Variants in STXBP6 observed in about 807,000 individuals in gnomAD.
STXBP6 encodes syntaxin-binding protein 6.
Under a neutral mutation model 26.9 loss-of-function variants are expected in STXBP6, and 21 were observed. The ratio of observed to expected loss-of-function variants is 0.78; its 90% CI spans 0.55 to 1.12. The LOEUF is 1.12. Ranked by LOEUF, STXBP6 falls within the 50% of genes most tolerant of loss-of-function variation. The pLI is 0.00. For missense variants in STXBP6, 232 were observed against 257.9 expected (o/e 0.90, Z 0.69); for synonymous variants, 97 against 92.6 (o/e 1.05, Z -0.27).
intron 5 of STXBP6, chr14:24,817,560 T>C (rs111586268): frequency 0.014 from 2,375 of 166,856 alleles, 70 homozygotes; most frequent in African/African-American, 0.054. Context: ...ACAACTTAAA[T>C]GTTTCCCCAG....
intron 2 of STXBP6, among the ~76,000 whole-genome samples, chr14:24,950,905 A>G (rs1034444403): frequency 9.3e-5 from 14 of 151,022 alleles, no homozygotes; most frequent in Non-Finnish European, 1.5e-4. Context: ...CCCCTTCCCG[A>G]CAGGCCCCCC....
chr14:24,937,019 C>T (rs1381338777), intron 2 of STXBP6, among the ~76,000 whole-genome samples: 1 of 152,202 alleles, frequency 6.6e-6, no homozygotes, highest in Non-Finnish European at 1.5e-5. Context: ...AACCTTCATT[C>T]TCAGCAAACT....
intron 4 of STXBP6, among the ~76,000 whole-genome samples, chr14:24,827,313 C>T (rs180918851): frequency 6.6e-6 from 1 of 152,308 alleles, no homozygotes; most frequent in Non-Finnish European, 1.5e-5. Context: ...AGTATGTGCT[C>T]AATGTACTCT....
chr14:25,024,126 G>T (rs536947846), intron 1 of STXBP6, among the ~76,000 whole-genome samples: 1 of 151,896 alleles, frequency 6.6e-6, no homozygotes, highest in African/African-American at 2.4e-5. Context: ...TGGCTAACAC[G>T]GTGAAACCCC....
rs997329516 is a variant in STXBP6 at position 24,970,203 on chromosome 14, T to C, written c.154+4462A>G. 2.0e-5 allele frequency among the ~76,000 whole-genome samples: 3 copies of C among 151,184 alleles called. No homozygotes were observed. In the East Asian group the frequency reaches 5.8e-4, roughly 29 times the overall value. ...TTGCAGTGAGCTGAGATCACGCCAC[T>C]GCACTCCAGCCTGGGCAACAGAACG... On this transcript the variant is annotated intron_variant, in intron 2 of 5. Coordinates refer to ENST00000323944, the MANE Select transcript of STXBP6 (RefSeq NM_001394410.1).
intron 2 of STXBP6, among the ~76,000 whole-genome samples, chr14:24,873,705 CT>C (rs1424711900): frequency 1.3e-5 from 2 of 152,266 alleles, no homozygotes; most frequent in East Asian, 3.9e-4. Flanking sequence ...ACAACAACCA[CT>C]AACTTTCTCC....
At chr14:24,937,613 A>AAC (rs201090023) in intron 2 of STXBP6, among the ~76,000 whole-genome samples, 237 of 150,354 alleles carry the variant, frequency 1.6e-3, no homozygotes, top group African/African-American at 5.7e-3. Flanking sequence ...TAAAATGTAA[A>AAC]ACACATATAT....
intron 2 of STXBP6, among the ~76,000 whole-genome samples, chr14:24,882,980 A>T (rs1428595643): frequency 1.3e-5 from 2 of 152,228 alleles, no homozygotes; most frequent in East Asian, 3.8e-4. Context: ...CATTGTTTAT[A>T]GTAATGAAAT....
At chr14:24,892,452 T>G (rs1328816751) in intron 2 of STXBP6, among the ~76,000 whole-genome samples, 2 of 152,192 alleles carry the variant, frequency 1.3e-5, no homozygotes, top group Non-Finnish European at 2.9e-5. Flanking sequence ...TGTTTCTATA[T>G]TCTTCAAGGG....
chr14:24,928,357 A>T (rs1595128289), intron 2 of STXBP6, among the ~76,000 whole-genome samples: 1 of 152,086 alleles, frequency 6.6e-6, no homozygotes, highest in African/African-American at 2.4e-5. Context: ...TTTCTAAACA[A>T]ACCAAGCATC....
At chr14:24,926,973 G>A (rs1229986748) in intron 2 of STXBP6, among the ~76,000 whole-genome samples, 4 of 152,076 alleles carry the variant, frequency 2.6e-5, no homozygotes, top group East Asian at 1.9e-4. Flanking sequence ...ACGTCTAGCC[G>A]AAGCTGATCC....
At chr14:24,948,483 T>C (rs916649362) in intron 2 of STXBP6, among the ~76,000 whole-genome samples, 1 of 152,036 alleles carries the variant, frequency 6.6e-6, no homozygotes, top group African/African-American at 2.4e-5. Flanking sequence ...CTGGCCCAAA[T>C]AGGGACCACC....
intron 4 of STXBP6, among the ~76,000 whole-genome samples, chr14:24,854,294 C>T (rs1238575671): frequency 6.6e-6 from 1 of 152,052 alleles, no homozygotes; most frequent in South Asian, 2.1e-4. Context: ...CTTCCATCCA[C>T]ATTTCCATTC....
At chr14:24,879,536 G>A (rs1334793533) in intron 2 of STXBP6, among the ~76,000 whole-genome samples, 2 of 152,008 alleles carry the variant, frequency 1.3e-5, no homozygotes, top group African/African-American at 2.4e-5. Context: ...ATCTCATTTG[G>A]TACACTTTTA....
At position 25,020,788 on chromosome 14, in the gene STXBP6, G is replaced by A. The variant is rs373724403; in HGVS notation, c.-33+29090C>T. On this transcript the variant is annotated intron_variant, in intron 1 of 5. Transcript: ENST00000323944. Reference sequence around the variant, plus strand: ...CTAATGGTCGTGGTTTTGATAACACGCTTTCCATAGCACTGCTGCAAAATG... The same window carrying A: ...CTAATGGTCGTGGTTTTGATAACACACTTTCCATAGCACTGCTGCAAAATG... Among the ~76,000 whole-genome samples the A allele has an allele frequency of 5.9e-5, 9 of 152,154 alleles. No homozygotes were observed. The East Asian group carries it at 7.7e-4, about 13-fold the overall frequency.
chr14:24,852,850 G>A lies in STXBP6; in HGVS notation c.451+3086C>T, dbSNP rs545862120. Reference sequence around the variant, plus strand: ...AAGACAATGTCAATGGTGTTTCCTGGAGCATGCCACTCAGTGGCTTTAAGG... The same window carrying A: ...AAGACAATGTCAATGGTGTTTCCTGAAGCATGCCACTCAGTGGCTTTAAGG... On this transcript the variant is annotated intron_variant, in intron 4 of 5. Coordinates refer to ENST00000323944, the MANE Select transcript of STXBP6 (RefSeq NM_001394410.1). Among the ~76,000 whole-genome samples the A allele has an allele frequency of 1.9e-4, 29 of 152,152 alleles. No individual in the cohort carries two copies. The South Asian group carries it at 6.0e-3, about 32-fold the overall frequency.
At chr14:24,894,091 T>C (rs2070888384) in intron 2 of STXBP6, among the ~76,000 whole-genome samples, 1 of 152,218 alleles carries the variant, frequency 6.6e-6, no homozygotes, top group Non-Finnish European at 1.5e-5. Flanking sequence ...AACATGGTTT[T>C]AGAAAATTAG....
At chr14:24,902,119 G>T (rs969359463) in intron 2 of STXBP6, among the ~76,000 whole-genome samples, 11 of 152,084 alleles carry the variant, frequency 7.2e-5, no homozygotes, top group Non-Finnish European at 1.2e-4. Flanking sequence ...TTTAAGAAAT[G>T]TAAGAAATTT....
At chr14:24,820,698 C>A (rs2068109714) in intron 4 of STXBP6, among the ~76,000 whole-genome samples, 2 of 152,182 alleles carry the variant, frequency 1.3e-5, no homozygotes, top group Non-Finnish European at 2.9e-5. Flanking sequence ...ACTTGAATAG[C>A]ACTTTGCAAT....
Sources: gnomAD v4.1 joint callset for allele counts (sites outside exome capture counted in the v4.1 genomes callset) on GRCh38, gnomAD v4.1.1 for gene constraint, MANE v1.5 for transcripts, NCBI Gene and HGNC (gene_info 2026-07-23, HGNC 2026-07-21) for gene names.